The following SLC24A5 variants were observed in gnomAD, a reference collection of about 807,000 sequenced individuals.
SLC24A5 encodes solute carrier family 24 member 5.
A neutral mutation model predicts 51.6 loss-of-function variants in SLC24A5; 46 were observed. The ratio of observed to expected loss-of-function variants is 0.89; its 90% CI spans 0.70 to 1.14. The LOEUF is 1.14. Ranked by LOEUF, SLC24A5 falls within the 50% of genes most tolerant of loss-of-function variation. The pLI is 0.00. For missense variants in SLC24A5, 581 were observed against 604.1 expected, an observed-to-expected ratio of 0.96 and a Z score of 0.40; for synonymous variants, 230 against 214.9, an observed-to-expected ratio of 1.07 and a Z score of -0.62.
At chr15:48,131,345 T>C (rs2038787936) in intron 2 of SLC24A5, among the ~76,000 whole-genome samples, 1 of 152,096 alleles carries the variant, frequency 6.6e-6, no homozygotes, top group Non-Finnish European at 1.5e-5. Flanking sequence ...GGAAATATGC[T>C]ATGGTTTGGG....
Position 48,141,265 on chromosome 15 carries a change from G to A in SLC24A5, c.1180+51G>A, listed in dbSNP as rs551294448. ...AATGGTCATTCTACAAGGCTAGAAT[G>A]AGTAAAAGTAGCTTTAAAAATGTTT... On this transcript the variant is annotated intron_variant, in intron 8 of 8. Coordinates refer to ENST00000341459, the MANE Select transcript of SLC24A5 (RefSeq NM_205850.3). 14 of 1,406,074 alleles carry A rather than the reference G, an allele frequency of 1.0e-5. No homozygotes were observed. The East Asian group carries it at 3.0e-4, about 30-fold the overall frequency. The allele number at this position is 1,406,074 out of a possible 1,614,324, so 87.1% of individuals were successfully genotyped here.
rs778559565 is a variant in SLC24A5, at chr15:48,136,743, C to T, written c.651C>T (p.Asp217=). The change falls in exon 6 of 9, where the codon GAC becomes GAT. Residue 217 remains aspartate (D), a synonymous_variant. Transcript: ENST00000341459. The part of the protein sequence containing the change: ...YGLYVLVLCF[D]IKINQYIIKK... ...TGTATGTTTTGGTGCTGTGTTTTGA[C>T]ATTAAAATTAACCAATATATTATAA... is the stretch of plus-strand genomic sequence containing the variant. 3 of 1,613,310 alleles carry T rather than the reference C, an allele frequency of 1.9e-6. No individual in the cohort carries two copies. The highest frequency in any genetic ancestry group is 1.7e-6 in the Non-Finnish European group (2 of 1,179,720).
intron 2 of SLC24A5, chr15:48,122,559 G>A (rs1041534868): frequency 6.3e-6 from 1 of 159,708 alleles, no homozygotes; most frequent in Non-Finnish European, 1.4e-5. Context: ...ACAGATAGAT[G>A]AATAAGTCCT....
At chr15:48,131,522 C>A (rs1385150373) in intron 2 of SLC24A5, among the ~76,000 whole-genome samples, 1 of 151,874 alleles carries the variant, frequency 6.6e-6, no homozygotes, top group Non-Finnish European at 1.5e-5. Flanking sequence ...GCACCACCCA[C>A]CTCTCTCTCT....
chr15:48,131,955 A>G (rs1196710017), intron 2 of SLC24A5, among the ~76,000 whole-genome samples: 1 of 152,164 alleles, frequency 6.6e-6, no homozygotes, highest in Non-Finnish European at 1.5e-5. Context: ...AAGGGATAAA[A>G]TTAATGACTG....
intron 6 of SLC24A5, chr15:48,138,500 T>TA (rs1204992777): frequency 6.6e-6 from 1 of 152,666 alleles, no homozygotes; most frequent in Admixed American, 6.5e-5. Flanking sequence ...TGCGACTTAA[T>TA]AAAAAAATTA....
Position 48,121,080 on chromosome 15 carries a change from G to T in SLC24A5, c.36G>T (p.Arg12Ser). 6.2e-7 allele frequency: 1 copy of T among 1,613,934 alleles called. No homozygotes were observed. Among genetic ancestry groups the T allele is most frequent in the Non-Finnish European group, 8.5e-7 (1 of 1,179,926 alleles). ...AAGGGGGCCAAACATGGGCGAGAAG[G>T]GCTCTGTTGCTCGGCATCCTGTGGG... The part of the protein sequence containing the change: ...QTKGGQTWAR[R>S]ALLLGILWAT... The change falls in exon 1 of 9, where the codon AGG (arginine) becomes AGT (serine). Residue 12 changes from arginine (R) to serine (S), a missense_variant. Arg to Ser is a moderately radical substitution (Grantham distance 110). Coordinates refer to ENST00000341459, the MANE Select transcript of SLC24A5 (RefSeq NM_205850.3).
At chr15:48,134,759 C>A in intron 4 of SLC24A5, 125 bp from the exon 5 acceptor site, 1 of 834,958 alleles carries the variant, frequency 1.2e-6, no homozygotes, top group Non-Finnish European at 1.8e-6. Flanking sequence ...ACATTTTTTT[C>A]TCTAAGCAAT....
At chr15:48,132,889 C>G (rs2038807022) in intron 2 of SLC24A5, among the ~76,000 whole-genome samples, 1 of 152,116 alleles carries the variant, frequency 6.6e-6, no homozygotes, top group South Asian at 2.1e-4. Context: ...GAAGTCGTAT[C>G]ACCTTTTATG....
In SLC24A5 at chr15:48,130,801, G is replaced by C. The variant is rs192011830; in HGVS notation, c.302-3457G>C. The stretch of plus-strand genomic sequence containing the variant: ...TTCCACCAGGAAAGAATAGAATGAG[G>C]GTGATTATGGTGCCAGTGCCACAAA... On this transcript the variant is annotated intron_variant, in intron 2 of 8. Transcript: ENST00000341459. Among the ~76,000 whole-genome samples the C allele has an allele frequency of 5.2e-4, 79 of 152,018 alleles. 1 individual carries two copies. Among genetic ancestry groups the C allele is most frequent in the African/African-American group, 1.9e-3 (78 of 41,482 alleles).
Position 48,122,209 on chromosome 15 carries a change from G to T in SLC24A5, c.301+173G>T, listed in dbSNP as rs186348543. 72 of 664,270 alleles carry T rather than the reference G, an allele frequency of 1.1e-4. No individual in the cohort carries two copies. The African/African-American group carries it at 1.2e-3, about 11-fold the overall frequency. 41.1% of individuals were successfully genotyped at this position (664,270 alleles called of 1,614,324 possible). On this transcript the variant is annotated intron_variant, in intron 2 of 8. Coordinates refer to ENST00000341459, the MANE Select transcript of SLC24A5 (RefSeq NM_205850.3). ...AACTGGTCGAGTGTGGTTTCTCTTG[G>T]TAGTTAATGTGAATCAGAGTTTCTT...
chr15:48,133,722 T>C (rs983904746), intron 2 of SLC24A5, among the ~76,000 whole-genome samples: 1 of 152,120 alleles, frequency 6.6e-6, no homozygotes, highest in Non-Finnish European at 1.5e-5. Flanking sequence ...AAAAATTCTC[T>C]GCATGGCAAA....
chr15:48,121,248 G>A, intron 1 of SLC24A5, 83 bp downstream of exon 1: 2 of 1,430,748 alleles, frequency 1.4e-6, no homozygotes, highest in East Asian at 2.4e-5. Flanking sequence ...ACAAAAAGAG[G>A]AAAATTCTCA....
intron 1 of SLC24A5, 127 bp from the exon 2 acceptor site, chr15:48,121,730 A>G (rs2038681056): frequency 2.0e-6 from 2 of 982,950 alleles, no homozygotes; most frequent in East Asian, 2.4e-5. Flanking sequence ...CGCTTTATAC[A>G]TTTTCAGTGG....
chr15:48,123,767 G>C (rs981955158), intron 2 of SLC24A5: 13 of 152,064 alleles, frequency 8.5e-5, no homozygotes, highest in Non-Finnish European at 1.9e-4. Context: ...ATTTGCAAAA[G>C]GCATCCCACA....
At chr15:48,140,548 G>A (rs2039034721) in intron 7 of SLC24A5, 1 of 151,946 alleles carries the variant, frequency 6.6e-6, no homozygotes. Context: ...AATAAATTGG[G>A]ACCATATGTT....
intron 2 of SLC24A5, 59 bp downstream of exon 2, chr15:48,122,095 C>T: frequency 6.4e-7 from 1 of 1,553,862 alleles, no homozygotes; most frequent in Non-Finnish European, 8.9e-7. Flanking sequence ...ACAGATATGA[C>T]TGTCTTTGAA....
chr15:48,141,302 G>A, intron 8 of SLC24A5, 88 bp downstream of exon 8: 2 of 1,116,912 alleles, frequency 1.8e-6, no homozygotes, highest in Non-Finnish European at 2.6e-6. Flanking sequence ...CTTCCAGCCG[G>A]GTGTGGTGGC....
intron 2 of SLC24A5, 102 bp from the exon 3 acceptor site, chr15:48,134,156 T>A: frequency 2.1e-6 from 2 of 956,318 alleles, no homozygotes; most frequent in Non-Finnish European, 3.3e-6. Context: ...AGTTTAATAG[T>A]GGTTTTATGT....
Sources: allele counts gnomAD v4.1 joint callset (sites outside exome capture counted in the v4.1 genomes callset), GRCh38; gene constraint gnomAD v4.1.1; transcripts MANE v1.5; gene names NCBI Gene and HGNC (gene_info 2026-07-23, HGNC 2026-07-21).